The following SC5D variants were observed in gnomAD, a reference collection of about 807,000 sequenced individuals.
SC5D encodes lathosterol oxidase.
In SC5D, 21 loss-of-function variants were observed where a neutral mutation model predicts 23.9. That is an observed-to-expected ratio of 0.88 (90% CI 0.62 to 1.26). The LOEUF (loss-of-function observed/expected upper bound fraction) is 1.26, where lower values mean the gene tolerates loss of function less well. Ranked by LOEUF, SC5D falls within the 50% of genes most tolerant of loss-of-function variation. SC5D has a pLI of 0.00. For missense variants in SC5D, 309 were observed against 364.8 expected (o/e 0.85, Z 1.25); for synonymous variants, 113 against 125.9 (o/e 0.90, Z 0.68).
intron 3 of SC5D, 170 bp from the exon 4 acceptor site, chr11:121,306,216 T>A: frequency 1.6e-6 from 1 of 606,870 alleles, no homozygotes; most frequent in Non-Finnish European, 3.0e-6. Context: ...AATGACCAGA[T>A]TCCAAGAAGC....
At chr11:121,301,839 A>G (rs912465549) in intron 1 of SC5D, among the ~76,000 whole-genome samples, 2 of 152,156 alleles carry the variant, frequency 1.3e-5, no homozygotes, top group African/African-American at 4.8e-5. Flanking sequence ...TCCAAGATAT[A>G]TATTCAATTA....
chr11:121,304,730 A>C, intron 3 of SC5D: 1 of 467,552 alleles, frequency 2.1e-6, no homozygotes, highest in Non-Finnish European at 3.9e-6. Context: ...GATTGGAGTG[A>C]TCAGAGATGG....
intron 1 of SC5D, among the ~76,000 whole-genome samples, chr11:121,299,904 A>T (rs1280815631): frequency 6.6e-6 from 1 of 152,212 alleles, no homozygotes; most frequent in Non-Finnish European, 1.5e-5. Context: ...TAAATGAATA[A>T]ATAAATAATA....
At chr11:121,302,092 A>T (rs547518473) in intron 1 of SC5D, among the ~76,000 whole-genome samples, 254 of 152,258 alleles carry the variant, frequency 1.7e-3, no homozygotes, top group African/African-American at 5.8e-3. Flanking sequence ...TCCCTGTGGG[A>T]ATTTAGTGGA....
rs187447148 is a variant in SC5D at position 121,307,562 on chromosome 11, T to A, written c.*50T>A. ...AAGGACAAAGAAGGAAATATCATCG[T>A]ATTTCTTTTTTTTAATAAGGAAAAA... On this transcript the variant is annotated 3_prime_UTR_variant, in exon 5 of 5. Coordinates refer to ENST00000264027, the MANE Select transcript of SC5D (RefSeq NM_006918.5). 1 of 1,277,852 alleles carries A rather than the reference T, an allele frequency of 7.8e-7. No homozygotes were observed. The highest frequency in any genetic ancestry group is 1.5e-5 in the African/African-American group (1 of 66,388). The allele number at this position is 1,277,852 out of a possible 1,614,324, so 79.2% of individuals were successfully genotyped here.
In SC5D at chr11:121,307,353, G is replaced by A; in HGVS notation, c.741G>A (p.Trp247Ter). The change falls in exon 5 of 5, where the codon TGG becomes TGA. Residue 247 changes from tryptophan to a stop codon, truncating the protein, a stop_gained. Transcript: ENST00000264027. LOFTEE classifies it low-confidence loss of function (END_TRUNC). Reference protein sequence around the residue: ...DYNYGQYFTLWDRIGGSFKNP... With the variant: ...DYNYGQYFTL ...ATTATGGACAATATTTCACTTTGTG[G>A]GATAGGATTGGCGGCTCATTCAAAA... 6.2e-7 allele frequency: 1 copy of A among 1,614,084 alleles called. No homozygotes were observed. Among genetic ancestry groups the A allele is most frequent in the Non-Finnish European group, 8.5e-7 (1 of 1,180,002 alleles).
At chr11:121,297,861 C>T (rs992582231) in intron 1 of SC5D, among the ~76,000 whole-genome samples, 4 of 152,160 alleles carry the variant, frequency 2.6e-5, no homozygotes, top group Non-Finnish European at 4.4e-5. Flanking sequence ...AGGAAGAATT[C>T]AGAAACTTAG....
Position 121,310,339 on chromosome 11 carries a change from A to G in SC5D, c.*2827A>G, listed in dbSNP as rs976188841. Among the ~76,000 whole-genome samples, 3 of 152,190 alleles carry G rather than the reference A, an allele frequency of 2.0e-5. No homozygotes were observed. The highest frequency in any genetic ancestry group is 4.4e-5 in the Non-Finnish European group (3 of 68,022). ...ATTCAAATGTGGAAATGTATTTGCC[A>G]GTGAGATAGTATGTAGAGGTGGGGC... On this transcript the variant is annotated 3_prime_UTR_variant, in exon 5 of 5. Coordinates refer to ENST00000264027, the MANE Select transcript of SC5D (RefSeq NM_006918.5).
At chr11:121,304,222 T>G in intron 2 of SC5D, 139 bp from the exon 3 acceptor site, 1 of 709,182 alleles carries the variant, frequency 1.4e-6, no homozygotes, top group Non-Finnish European at 2.4e-6. Context: ...TTTATGTATT[T>G]AAAATTTTAA....
chr11:121,302,783 C>T (rs117610724), intron 1 of SC5D, among the ~76,000 whole-genome samples: 310 of 152,272 alleles, frequency 2.0e-3, no homozygotes, highest in South Asian at 0.014. Flanking sequence ...AAATGTATTC[C>T]AGTTCTTAAC....
At chr11:121,300,942 A>G (rs2134265570) in intron 1 of SC5D, among the ~76,000 whole-genome samples, 1 of 152,364 alleles carries the variant, frequency 6.6e-6, no homozygotes, top group East Asian at 1.9e-4. Context: ...CAGGTATGTA[A>G]TTAGTTCAGA....
intron 1 of SC5D, among the ~76,000 whole-genome samples, chr11:121,296,935 C>T (rs561204951): frequency 4.6e-5 from 7 of 151,902 alleles, no homozygotes; most frequent in Non-Finnish European, 5.9e-5. Context: ...AGTGGGAAAA[C>T]GGGCAAAGGA....
chr11:121,307,271 A>T lies in SC5D; in HGVS notation c.659A>T (p.Gln220Leu). ...GATTTTCGTGTCCCCCAAATCTTAC[A>T]GCCATTTATTAATGGCTCAGCTCAT... ...DGDFRVPQIL[Q>L]PFINGSAHHT... is the part of the protein sequence containing the mutation. The change falls in exon 5 of 5, where the codon CAG (glutamine) becomes CTG (leucine). Residue 220 changes from glutamine to leucine, a missense_variant. Coordinates refer to ENST00000264027, the MANE Select transcript of SC5D (RefSeq NM_006918.5). The T allele has an allele frequency of 6.2e-7, 1 of 1,614,170 alleles. No individual in the cohort carries two copies. The highest frequency in any genetic ancestry group is 8.5e-7 in the Non-Finnish European group (1 of 1,180,000).
intron 2 of SC5D, chr11:121,303,839 G>A: frequency 2.5e-6 from 1 of 403,322 alleles, no homozygotes; most frequent in Non-Finnish European, 4.4e-6. Flanking sequence ...GCATTTTTAT[G>A]CTGATATTGA....
chr11:121,302,323 A>T (rs1258369780), intron 1 of SC5D, among the ~76,000 whole-genome samples: 1 of 152,282 alleles, frequency 6.6e-6, no homozygotes, highest in East Asian at 1.9e-4. Context: ...CAAGTGAGAG[A>T]CATTTTAGAT....
chr11:121,306,924 A>G, intron 4 of SC5D, 133 bp from the exon 5 acceptor site: 1 of 814,030 alleles, frequency 1.2e-6, no homozygotes, highest in Non-Finnish European at 2.2e-6. Context: ...GAAGAAGGAC[A>G]TTTTATAGAA....
Position 121,306,447 on chromosome 11 carries a change from C to T in SC5D, c.405C>T (p.Tyr135=). ...SFLFFTDMFI[Y]WIHRGLHHRL... Reference sequence around the variant, plus strand: ...TCTTTTTCACTGACATGTTCATCTACTGGATTCACAGAGGCCTTCATCATA... The same window carrying T: ...TCTTTTTCACTGACATGTTCATCTATTGGATTCACAGAGGCCTTCATCATA... The change falls in exon 4 of 5, where the codon TAC becomes TAT. Residue 135 remains tyrosine (Y), a synonymous_variant. Transcript: ENST00000264027. 1 of 1,586,074 alleles carries T rather than the reference C, an allele frequency of 6.3e-7. No homozygotes were observed. The highest frequency in any genetic ancestry group is 1.1e-5 in the South Asian group (1 of 90,540).
intron 4 of SC5D, chr11:121,306,736 T>A (rs1277287379): frequency 1.6e-6 from 1 of 629,556 alleles, no homozygotes; most frequent in African/African-American, 1.8e-5. Flanking sequence ...CATTAGAGAC[T>A]CCAGAAGGTG....
rs1012313010 is a variant in SC5D, at chr11:121,311,896, G to A, written c.*4384G>A. On this transcript the variant is annotated 3_prime_UTR_variant, in exon 5 of 5. Coordinates refer to ENST00000264027, the MANE Select transcript of SC5D (RefSeq NM_006918.5). ...CCCTCAATAGAAATCAGTTGCAGAG[G>A]GCAGAAGCCTAGATATTTTCACCTT... 6.6e-6 allele frequency among the ~76,000 whole-genome samples: 1 copy of A among 152,090 alleles called. No individual in the cohort carries two copies. Among genetic ancestry groups the A allele is most frequent in the Non-Finnish European group, 1.5e-5 (1 of 68,008 alleles).
Sources: allele counts gnomAD v4.1 joint callset (sites outside exome capture counted in the v4.1 genomes callset), GRCh38; gene constraint gnomAD v4.1.1; transcripts MANE v1.5; gene names NCBI Gene and HGNC (gene_info 2026-07-23, HGNC 2026-07-21).